Variants in PTCH1 observed in about 807,000 individuals in gnomAD.
PTCH1 encodes protein patched homolog 1.
PTCH1 carries 14 observed loss-of-function variants against 144.6 expected under a neutral mutation model. The ratio of observed to expected loss-of-function variants is 0.10; its 90% CI spans 0.06 to 0.15. PTCH1 has a LOEUF of 0.15. Among genes scored for constraint, PTCH1 ranks in the 10% least tolerant of loss-of-function variants. PTCH1 has a pLI of 1.00. For missense variants in PTCH1, 1,623 were observed against 1,948.3 expected (o/e 0.83, Z 3.14); for synonymous variants, 833 against 793.6 (o/e 1.05, Z -0.83).
chr9:95,480,571 C>T lies in PTCH1; in HGVS notation c.764G>A (p.Arg255Gln), dbSNP rs779870576. The T allele has an allele frequency of 6.2e-6, 10 of 1,613,420 alleles. No homozygotes were observed. The highest frequency in any genetic ancestry group is 5.3e-5 in the African/African-American group (4 of 74,768). The stretch of plus-strand genomic sequence containing the variant: ...TTCCAAAGGGTCGAAGTTTGTCCAC[C>T]GCAAAGGAGGTTTACCTCTGCAAAA... ...TAYLLGKPPL[R>Q]WTNFDPLEFL... The change falls in exon 6 of 24, where the codon CGG becomes CAG. Residue 255 changes from arginine (R) to glutamine (Q), a missense_variant. Coordinates refer to ENST00000331920, the MANE Select transcript of PTCH1 (RefSeq NM_000264.5).
At chr9:95,457,913 C>CCT (rs770943983) in intron 18 of PTCH1, 100 bp downstream of exon 18, 229 of 1,479,162 alleles carry the variant, frequency 1.5e-4, no homozygotes, top group Non-Finnish European at 2.0e-4. Context: ...CAAGCTATAC[C>CCT]CTCCTCCAGA....
At chr9:95,451,444 G>C (rs1342487745) in intron 20 of PTCH1, 2 of 152,184 alleles carry the variant, frequency 1.3e-5, no homozygotes, top group African/African-American at 2.4e-5. Context: ...GATATTTCTG[G>C]GCGGGAACAA....
chr9:95,462,528 A>G (rs1189862964), intron 15 of PTCH1, among the ~76,000 whole-genome samples: 1 of 152,228 alleles, frequency 6.6e-6, no homozygotes, highest in African/African-American at 2.4e-5. Flanking sequence ...TGGAGCTAAC[A>G]CAAGCTGTGG....
At chr9:95,485,569 A>T in intron 3 of PTCH1, 116 bp downstream of exon 3, 5 of 1,216,758 alleles carry the variant, frequency 4.1e-6, no homozygotes, top group Non-Finnish European at 4.7e-6. Flanking sequence ...TTGAACTAAT[A>T]CTCCAGGTGC....
At chr9:95,477,920 T>G in intron 9 of PTCH1, 135 bp downstream of exon 9, 2 of 1,525,076 alleles carry the variant, frequency 1.3e-6, no homozygotes, top group Non-Finnish European at 1.8e-6. Flanking sequence ...TAAACCACTG[T>G]GAAGCCACGC....
chr9:95,494,177 C>A (rs1320725417), intron 2 of PTCH1: 1 of 983,964 alleles, frequency 1.0e-6, no homozygotes, highest in Non-Finnish European at 1.2e-6. Context: ...AGCAAGCTTC[C>A]CCGCCCCCAC....
chr9:95,485,130 C>T (rs1347682327), intron 3 of PTCH1, among the ~76,000 whole-genome samples: 3 of 151,958 alleles, frequency 2.0e-5, no homozygotes, highest in East Asian at 2.0e-4. Flanking sequence ...CGCTTAAACC[C>T]GGGAGGCAGA....
At chr9:95,513,923 C>G (rs1271272262), upstream of PTCH1, 1 of 152,134 alleles carries the variant, frequency 6.6e-6, no homozygotes, top group African/African-American at 2.4e-5. Flanking sequence ...GCTCCTAACT[C>G]CACAAAGGAG....
At chr9:95,477,387 A>G (rs566605194) in intron 10 of PTCH1, among the ~76,000 whole-genome samples, 160 bp downstream of exon 10, 1 of 152,330 alleles carries the variant, frequency 6.6e-6, no homozygotes, top group East Asian at 1.9e-4. Flanking sequence ...GGACAGCATC[A>G]AGAGACAGCA....
intron 5 of PTCH1, among the ~76,000 whole-genome samples, 167 bp from the exon 6 acceptor site, chr9:95,480,755 A>C (rs1841475726): frequency 6.6e-6 from 1 of 152,208 alleles, no homozygotes; most frequent in Admixed American, 6.5e-5. Flanking sequence ...ATCTGCATAA[A>C]AACTTAGGTC....
At chr9:95,491,721 G>A (rs1842421479) in intron 2 of PTCH1, among the ~76,000 whole-genome samples, 1 of 152,122 alleles carries the variant, frequency 6.6e-6, no homozygotes, top group African/African-American at 2.4e-5. Context: ...AAATTCCACA[G>A]AGCACACTAG....
chr9:95,483,401 C>A (rs1841716451), intron 3 of PTCH1: 1 of 136,804 alleles, frequency 7.3e-6, no homozygotes, highest in African/African-American at 2.7e-5. Context: ...TGGAAAAGTC[C>A]AAGGGAAGGA....
intron 13 of PTCH1, 47 bp downstream of exon 13, chr9:95,469,766 C>A (rs2118085399): frequency 4.7e-6 from 7 of 1,505,188 alleles, no homozygotes; most frequent in Non-Finnish European, 6.5e-6. Flanking sequence ...TCTCTCACAG[C>A]ACCATTCTGC....
chr9:95,451,087 GT>G (rs1050251523), intron 20 of PTCH1: 1 of 152,150 alleles, frequency 6.6e-6, no homozygotes, highest in Non-Finnish European at 1.5e-5. Flanking sequence ...GTCTATATAT[GT>G]TTTGACATCA....
intron 3 of PTCH1, chr9:95,483,364 A>G (rs1391115992): frequency 6.6e-6 from 1 of 151,796 alleles, no homozygotes; most frequent in Admixed American, 6.6e-5. Flanking sequence ...CTAACGAAAA[A>G]AAAAAGAAAA....
intron 12 of PTCH1, among the ~76,000 whole-genome samples, chr9:95,472,941 G>C (rs536140125): frequency 1.3e-5 from 2 of 152,210 alleles, no homozygotes; most frequent in Non-Finnish European, 2.9e-5. Flanking sequence ...CTGCAACTGT[G>C]AATCAATTCT....
At chr9:95,507,395 C>A in intron 1 of PTCH1, 2 of 985,528 alleles carry the variant, frequency 2.0e-6, no homozygotes, top group Non-Finnish European at 2.4e-6. Context: ...CCCCGGCGGG[C>A]CCCCGTCTGG....
intron 2 of PTCH1, among the ~76,000 whole-genome samples, chr9:95,493,849 C>T (rs1218592704): frequency 6.6e-6 from 1 of 151,980 alleles, no homozygotes; most frequent in Non-Finnish European, 1.5e-5. Context: ...TGAAAATTCA[C>T]GGGCTGTGAA....
intron 13 of PTCH1, among the ~76,000 whole-genome samples, chr9:95,469,500 A>C (rs986411230): frequency 6.6e-6 from 1 of 152,216 alleles, no homozygotes; most frequent in South Asian, 2.1e-4. Context: ...GTGTTTTTCA[A>C]TCTTGTTCTG....
Sources: allele counts gnomAD v4.1 joint callset (sites outside exome capture counted in the v4.1 genomes callset), GRCh38; gene constraint gnomAD v4.1.1; transcripts MANE v1.5; gene names NCBI Gene and HGNC (gene_info 2026-07-23, HGNC 2026-07-21).